Variants in SLC25A27 observed in about 807,000 individuals in gnomAD.
The protein encoded by SLC25A27 is solute carrier family 25 member 27.
Under a neutral mutation model 49.1 loss-of-function variants are expected in SLC25A27, and 35 were observed. The ratio of observed to expected loss-of-function variants is 0.71; its 90% CI spans 0.54 to 0.95. The LOEUF is 0.95. Ranked by LOEUF, SLC25A27 falls within the 40% of genes least tolerant of loss-of-function variation. SLC25A27 has a pLI of 0.00. For missense variants in SLC25A27, 339 were observed against 397.1 expected, an observed-to-expected ratio of 0.85 and a Z score of 1.24; for synonymous variants, 144 against 136.9, an observed-to-expected ratio of 1.05 and a Z score of -0.36.
At chr6:46,675,078 T>C (rs1763717051) in intron 8 of SLC25A27, among the ~76,000 whole-genome samples, 1 of 152,220 alleles carries the variant, frequency 6.6e-6, no homozygotes, top group Non-Finnish European at 1.5e-5. Context: ...ATCCCATTTA[T>C]ATACCACCCA....
chr6:46,671,426 G>A (rs1319333437), intron 8 of SLC25A27, among the ~76,000 whole-genome samples, 198 bp downstream of exon 8: 1 of 151,922 alleles, frequency 6.6e-6, no homozygotes, highest in Non-Finnish European at 1.5e-5. Flanking sequence ...GTAGAGTAAG[G>A]TAAAATAAGT....
chr6:46,676,561 T>C lies in SLC25A27; in HGVS notation c.*107T>C. ...TTCTACCTCTTTAGGAAGACACCTA[T>C]TCCACAGAGACTGATTTATAGGGGG... is the stretch of plus-strand genomic sequence containing the variant. On this transcript the variant is annotated 3_prime_UTR_variant, in exon 9 of 9. Coordinates refer to ENST00000371347, the MANE Select transcript of SLC25A27 (RefSeq NM_004277.5). 1 of 1,597,148 alleles carries C rather than the reference T, an allele frequency of 6.3e-7. No homozygotes were observed. Among genetic ancestry groups the C allele is most frequent in the South Asian group, 1.1e-5 (1 of 89,110 alleles).
At chr6:46,665,677 C>T (rs1310543244) in intron 5 of SLC25A27, among the ~76,000 whole-genome samples, 2 of 151,878 alleles carry the variant, frequency 1.3e-5, no homozygotes, top group African/African-American at 2.4e-5. Context: ...CAGAGCGAGA[C>T]TCCATCTCAA....
intron 2 of SLC25A27, among the ~76,000 whole-genome samples, chr6:46,657,505 A>G (rs1290046738): frequency 6.6e-6 from 1 of 152,134 alleles, no homozygotes. Flanking sequence ...AAGTTAGAAA[A>G]TTAAGGAAAT....
intron 1 of SLC25A27, chr6:46,653,910 A>C: frequency 1.0e-6 from 1 of 953,152 alleles, no homozygotes; most frequent in Non-Finnish European, 1.2e-6. Context: ...GGGACTGTGG[A>C]TATATATTTG....
intron 2 of SLC25A27, among the ~76,000 whole-genome samples, chr6:46,656,347 ATTT>A (rs771129922): frequency 2.2e-5 from 3 of 136,118 alleles, no homozygotes; most frequent in Admixed American, 7.4e-5. Context: ...CACCCAGCTA[ATTT>A]TTTTTTTTTT....
At chr6:46,670,810 T>A (rs1000136848) in intron 7 of SLC25A27, among the ~76,000 whole-genome samples, 12 of 152,096 alleles carry the variant, frequency 7.9e-5, no homozygotes, top group African/African-American at 2.9e-4. Flanking sequence ...GATCTCCCGC[T>A]CACTGCAAGC....
intron 8 of SLC25A27, among the ~76,000 whole-genome samples, chr6:46,671,615 G>A (rs1346034478): frequency 6.6e-6 from 1 of 151,770 alleles, no homozygotes; most frequent in Non-Finnish European, 1.5e-5. Context: ...AAAAAAATTT[G>A]TTACTTTGAT....
intron 3 of SLC25A27, among the ~76,000 whole-genome samples, chr6:46,661,151 TGA>T (rs1763149549): frequency 6.6e-6 from 1 of 152,212 alleles, no homozygotes; most frequent in South Asian, 2.1e-4. Context: ...AGAGTGGTTA[TGA>T]GAGATGCAAA....
Position 46,676,434 on chromosome 6 carries a change from A to T in SLC25A27, c.952A>T (p.Ser318Cys), listed in dbSNP as rs2150664812. The T allele has an allele frequency of 6.2e-7, 1 of 1,613,992 alleles. No homozygotes were observed. Among genetic ancestry groups the T allele is most frequent in the South Asian group, 1.1e-5 (1 of 91,078 alleles). Residue 318 changes from serine (S) to cysteine (C), a missense_variant, in exon 9 of 9, where the codon AGT becomes TGT. Physicochemically the swap from Ser to Cys is moderately radical, Grantham distance 112. Coordinates refer to ENST00000371347, the MANE Select transcript of SLC25A27 (RefSeq NM_004277.5). ...WLTYEKIREM[S>C]GVSPF ...TACTTATGAAAAAATCAGAGAGATG[A>T]GTGGAGTCAGTCCATTTTAAACCCC...
At chr6:46,668,896 C>A in intron 6 of SLC25A27, 103 bp downstream of exon 6, 1 of 686,434 alleles carries the variant, frequency 1.5e-6, no homozygotes, top group South Asian at 1.9e-5. Flanking sequence ...ATTGTACTGG[C>A]ATCACCTTTA....
intron 8 of SLC25A27, among the ~76,000 whole-genome samples, chr6:46,674,873 A>G (rs1763706719): frequency 6.6e-6 from 1 of 152,172 alleles, no homozygotes; most frequent in Non-Finnish European, 1.5e-5. Context: ...TTATATGTTC[A>G]ACTCCACAGT....
intron 6 of SLC25A27, 51 bp downstream of exon 6, chr6:46,668,844 C>G: frequency 9.8e-7 from 1 of 1,018,018 alleles, no homozygotes; most frequent in Non-Finnish European, 1.5e-6. Context: ...ATCACTTTTT[C>G]TTCCATATTT....
Position 46,677,021 on chromosome 6 carries a change from G to T in SLC25A27, c.*567G>T. On this transcript the variant is annotated 3_prime_UTR_variant, in exon 9 of 9. Transcript: ENST00000371347. ...TGAGTTTCCCTAGTGTTGAAGGAAGGTGTACTTTTTCTTGTCAGAAAGATA... is the reference window on the plus strand; with the variant it reads ...TGAGTTTCCCTAGTGTTGAAGGAAGTTGTACTTTTTCTTGTCAGAAAGATA... 4.0e-6 allele frequency: 1 copy of T among 249,040 alleles called. No individual in the cohort carries two copies. The highest frequency in any genetic ancestry group is 7.7e-6 in the Non-Finnish European group (1 of 130,398). 15.4% of individuals were successfully genotyped at this position (249,040 alleles called of 1,614,324 possible).
In SLC25A27 at chr6:46,677,890, A is replaced by C. The variant is rs1763854129; in HGVS notation, c.*1436A>C. On this transcript the variant is annotated 3_prime_UTR_variant, in exon 9 of 9. Coordinates refer to ENST00000371347, the MANE Select transcript of SLC25A27 (RefSeq NM_004277.5). ...TTAAGAGGGGGAAGTACATTTTAAA[A>C]TATATTTGAATGTCATGTACTGATA... is the stretch of plus-strand genomic sequence containing the variant. 1 of 152,426 alleles carries C rather than the reference A, an allele frequency of 6.6e-6. No homozygotes were observed. The highest frequency in any genetic ancestry group is 1.5e-5 in the Non-Finnish European group (1 of 67,982). The allele number at this position is 152,426 out of a possible 1,614,324, so 9.4% of individuals were successfully genotyped here. A position where few individuals can be genotyped will look rare whatever the true frequency, so the allele number is the denominator to read the frequency against.
In SLC25A27 at chr6:46,658,880, G is replaced by A. The variant is rs778834279; in HGVS notation, c.299-82G>A. ...TAGAGAGATTGACTAGGCCATGTCG[G>A]AATGTCCTCTTATTTTATACATACA... On this transcript the variant is annotated intron_variant, in intron 2 of 8. Coordinates refer to ENST00000371347, the MANE Select transcript of SLC25A27 (RefSeq NM_004277.5). The A allele has an allele frequency of 4.5e-5, 44 of 971,582 alleles. No homozygotes were observed. The South Asian group carries it at 5.2e-4, about 11-fold the overall frequency. The allele number at this position is 971,582 out of a possible 1,614,324, so 60.2% of individuals were successfully genotyped here. A position where few individuals can be genotyped will look rare whatever the true frequency, so the allele number is the denominator to read the frequency against.
intron 2 of SLC25A27, among the ~76,000 whole-genome samples, chr6:46,657,557 A>G (rs542577070): frequency 1.3e-5 from 2 of 152,314 alleles, no homozygotes; most frequent in South Asian, 2.1e-4. Flanking sequence ...AATGGTAGAG[A>G]TAGAGGGAGT....
intron 4 of SLC25A27, 77 bp downstream of exon 4, chr6:46,662,575 TATC>T: frequency 1.4e-6 from 2 of 1,423,286 alleles, no homozygotes; most frequent in Middle Eastern, 1.8e-4. Context: ...CTAATAGAAT[TATC>T]ATCCAGTATG....
At chr6:46,658,908 A>T in intron 2 of SLC25A27, 54 bp from the exon 3 acceptor site, 2 of 1,148,510 alleles carry the variant, frequency 1.7e-6, no homozygotes, top group Non-Finnish European at 2.6e-6. Flanking sequence ...TACATACATA[A>T]GCATATAGAT....
Sources: gnomAD v4.1 joint callset for allele counts (sites outside exome capture counted in the v4.1 genomes callset) on GRCh38, gnomAD v4.1.1 for gene constraint, MANE v1.5 for transcripts, NCBI Gene and HGNC (gene_info 2026-07-23, HGNC 2026-07-21) for gene names.